NEK11: variants seen among roughly 807,000 people sequenced by gnomAD.
The protein encoded by NEK11 is NIMA related kinase 11.
In NEK11, 72 loss-of-function variants were observed where a neutral mutation model predicts 80.7. That is an observed-to-expected ratio of 0.89 (90% CI 0.74 to 1.08). The LOEUF (loss-of-function observed/expected upper bound fraction) is 1.08, where lower values mean the gene tolerates loss of function less well. Among genes scored for constraint, NEK11 ranks in the 50% least tolerant of loss-of-function variants. The probability of loss-of-function intolerance (pLI) is 0.00; values close to 1 mark genes in which losing one functional copy is unlikely to be tolerated. For missense variants in NEK11, 764 were observed against 763.6 expected (o/e 1.00, Z -0.01); for synonymous variants, 251 against 260.7 (o/e 0.96, Z 0.36).
At chr3:131,198,993 C>T (rs1359964979) in intron 14 of NEK11, among the ~76,000 whole-genome samples, 3 of 152,204 alleles carry the variant, frequency 2.0e-5, no homozygotes, top group African/African-American at 7.2e-5. Flanking sequence ...ATACGTTCCT[C>T]ACTGAGTGCC....
At chr3:131,331,675 G>T (rs1012996324) in intron 17 of NEK11, among the ~76,000 whole-genome samples, 1 of 152,232 alleles carries the variant, frequency 6.6e-6, no homozygotes, top group Non-Finnish European at 1.5e-5. Context: ...GCCTCACTCG[G>T]GAAGCGCAAG....
At chr3:131,200,479 G>A (rs1490865613) in intron 14 of NEK11, among the ~76,000 whole-genome samples, 3 of 152,146 alleles carry the variant, frequency 2.0e-5, no homozygotes, top group Non-Finnish European at 2.9e-5. Flanking sequence ...TTACTCCTGG[G>A]TGTATTCCTT....
At chr3:131,131,297 G>A (rs182378445) in intron 5 of NEK11, among the ~76,000 whole-genome samples, 8 of 152,242 alleles carry the variant, frequency 5.3e-5, no homozygotes, top group African/African-American at 4.8e-5. Context: ...TAGATATTTG[G>A]TGCAATTTCT....
At chr3:131,189,284 G>A (rs1477201690) in intron 14 of NEK11, among the ~76,000 whole-genome samples, 1 of 152,160 alleles carries the variant, frequency 6.6e-6, no homozygotes, top group Non-Finnish European at 1.5e-5. Context: ...GCAGGCCTAG[G>A]AAACTAAAAC....
chr3:131,334,386 G>A (rs1276913507), intron 17 of NEK11, among the ~76,000 whole-genome samples: 7 of 151,826 alleles, frequency 4.6e-5, no homozygotes, highest in Non-Finnish European at 7.4e-5. Context: ...ATAATGAAAT[G>A]AAGGCAGAAA....
At chr3:131,043,637 A>T (rs6768218) in intron 3 of NEK11, among the ~76,000 whole-genome samples, 24,590 of 152,236 alleles carry the variant, frequency 0.16, 2,102 homozygotes, top group Non-Finnish European at 0.19. Context: ...TCTACATTTG[A>T]TTGGTGTACC....
intron 17 of NEK11, among the ~76,000 whole-genome samples, chr3:131,274,942 C>T (rs902234262): frequency 9.2e-5 from 14 of 151,750 alleles, no homozygotes; most frequent in African/African-American, 1.4e-4. Flanking sequence ...CGTGAGCCAC[C>T]GCGCCCGGCC....
rs74398745 is a variant in NEK11 at position 131,233,529 on chromosome 3, A to C, written c.1560+4841A>C. Among the ~76,000 whole-genome samples, 30 of 152,334 alleles carry C rather than the reference A, an allele frequency of 2.0e-4. No homozygotes were observed. The East Asian group carries it at 5.4e-3, about 27-fold the overall frequency. On this transcript the variant is annotated intron_variant, in intron 15 of 17. Transcript: ENST00000383366. ...CTAGAATTTAACTGGCTGGAATTCA[A>C]ATAAGGGAGAAGGCAGAGATAAAGG...
chr3:131,193,507 A>G (rs2093882774), intron 14 of NEK11, among the ~76,000 whole-genome samples: 1 of 152,148 alleles, frequency 6.6e-6, no homozygotes, highest in Non-Finnish European at 1.5e-5. Context: ...GCACTATTAA[A>G]CAATTTTAAT....
intron 17 of NEK11, among the ~76,000 whole-genome samples, chr3:131,298,784 T>C (rs1162244483): frequency 1.3e-5 from 2 of 152,126 alleles, no homozygotes; most frequent in Non-Finnish European, 2.9e-5. Context: ...GATCTATGGG[T>C]TGTCGTCTGA....
At position 131,168,838 on chromosome 3, in the gene NEK11, A is replaced by G; in HGVS notation, c.1185A>G (p.Thr395=). The G allele has an allele frequency of 1.2e-6, 2 of 1,612,816 alleles. No individual in the cohort carries two copies. The highest frequency in any genetic ancestry group is 1.7e-6 in the Non-Finnish European group (2 of 1,179,010). Reference sequence around the variant, plus strand: ...TGTCATAATCTCTTTAGGAAAAAACACATTTAAAAGGAATGGAAGAAAAGG... The same window carrying G: ...TGTCATAATCTCTTTAGGAAAAAACGCATTTAAAAGGAATGGAAGAAAAGG... ...QLSVDVLHEK[T]HLKGMEEKEE... Residue 395 remains threonine (T), a synonymous_variant, in exon 13 of 18, where the codon ACA becomes ACG. Transcript: ENST00000383366.
chr3:131,173,495 A>G (rs527803750), intron 14 of NEK11, among the ~76,000 whole-genome samples: 2 of 151,674 alleles, frequency 1.3e-5, no homozygotes, highest in East Asian at 1.9e-4. Context: ...ACTGCATTTC[A>G]TAGATGAGAA....
intron 14 of NEK11, among the ~76,000 whole-genome samples, chr3:131,220,086 C>CT (rs2094967944): frequency 6.6e-6 from 1 of 152,186 alleles, no homozygotes; most frequent in South Asian, 2.1e-4. Flanking sequence ...CACCAGTTAA[C>CT]TTTGACTTCA....
intron 14 of NEK11, among the ~76,000 whole-genome samples, chr3:131,176,652 T>G (rs2093033711): frequency 6.6e-6 from 1 of 152,164 alleles, no homozygotes; most frequent in South Asian, 2.1e-4. Flanking sequence ...TTATATCCAA[T>G]TTGAAAAATT....
chr3:131,138,519 G>T (rs1404044966), intron 7 of NEK11, among the ~76,000 whole-genome samples: 1 of 152,128 alleles, frequency 6.6e-6, no homozygotes, highest in Non-Finnish European at 1.5e-5. Context: ...AACCTGGCTG[G>T]CTTCATCATC....
chr3:131,078,979 A>G (rs960926022), intron 3 of NEK11, among the ~76,000 whole-genome samples: 4 of 151,748 alleles, frequency 2.6e-5, no homozygotes, highest in African/African-American at 9.7e-5. Flanking sequence ...ATCTGAATTC[A>G]GAATACTAGA....
intron 17 of NEK11, among the ~76,000 whole-genome samples, chr3:131,292,754 CTTCTT>C (rs1454611152): frequency 6.6e-6 from 1 of 151,894 alleles, no homozygotes; most frequent in African/African-American, 2.4e-5. Context: ...TTTTTTAGTT[CTTCTT>C]TGATTTATTT....
chr3:131,244,882 C>T (rs960111461), intron 16 of NEK11, among the ~76,000 whole-genome samples: 2 of 152,064 alleles, frequency 1.3e-5, no homozygotes, highest in Non-Finnish European at 2.9e-5. Flanking sequence ...TGTGATTATA[C>T]CACTGTACTT....
chr3:131,218,486 G>T (rs2094915259), intron 14 of NEK11, among the ~76,000 whole-genome samples: 1 of 152,204 alleles, frequency 6.6e-6, no homozygotes, highest in African/African-American at 2.4e-5. Flanking sequence ...AGTAAGGAGG[G>T]CTTCTTTGAT....
Sources: gnomAD v4.1 joint callset for allele counts (sites outside exome capture counted in the v4.1 genomes callset) on GRCh38, gnomAD v4.1.1 for gene constraint, MANE v1.5 for transcripts, NCBI Gene and HGNC (gene_info 2026-07-23, HGNC 2026-07-21) for gene names.